ZEB1: variants seen among roughly 807,000 people sequenced by gnomAD.
ZEB1 encodes zinc finger E-box binding homeobox 1, also known as zinc finger E-box-binding homeobox 1.
Under a neutral mutation model 84.9 loss-of-function variants are expected in ZEB1, and 21 were observed. The ratio of observed to expected loss-of-function variants is 0.25; its 90% CI spans 0.18 to 0.36. ZEB1 has a LOEUF of 0.36. Among genes scored for constraint, ZEB1 ranks in the 10% least tolerant of loss-of-function variants. The probability of loss-of-function intolerance (pLI) is 1.00; values close to 1 mark genes in which losing one functional copy is unlikely to be tolerated. For synonymous variants in ZEB1, 420 were observed against 471.1 expected, an observed-to-expected ratio of 0.89 and a Z score of 1.41; for missense variants, 1,104 against 1,330.2, an observed-to-expected ratio of 0.83 and a Z score of 2.65.
chr10:31,469,153 C>A (rs999627545), intron 2 of ZEB1, among the ~76,000 whole-genome samples: 21 of 152,138 alleles, frequency 1.4e-4, no homozygotes, highest in Admixed American at 1.0e-3. Context: ...ATAGACTAGA[C>A]AAACCAGAAG....
chr10:31,435,704 A>C (rs1179664054), intron 1 of ZEB1, among the ~76,000 whole-genome samples: 1 of 152,204 alleles, frequency 6.6e-6, no homozygotes, highest in Non-Finnish European at 1.5e-5. Flanking sequence ...AGCGAGAATG[A>C]ATAGAATAGT....
chr10:31,443,422 T>C (rs1035964760), intron 1 of ZEB1, among the ~76,000 whole-genome samples: 107 of 151,576 alleles, frequency 7.1e-4, no homozygotes, highest in African/African-American at 2.5e-3. Flanking sequence ...CTTTTTTTTT[T>C]TTATTATACT....
intron 1 of ZEB1, among the ~76,000 whole-genome samples, chr10:31,445,029 G>A (rs1338477784): frequency 6.7e-6 from 1 of 150,186 alleles, no homozygotes; most frequent in South Asian, 2.1e-4. Flanking sequence ...TCGCGATATT[G>A]ATTCTTCCTA....
chr10:31,377,620 A>G (rs1268528718), intron 1 of ZEB1, among the ~76,000 whole-genome samples: 1 of 151,788 alleles, frequency 6.6e-6, no homozygotes, highest in Non-Finnish European at 1.5e-5. Flanking sequence ...GTACTATTTC[A>G]AGGCTTCTCA....
At chr10:31,457,017 G>C (rs999287639) in intron 1 of ZEB1, among the ~76,000 whole-genome samples, 16 of 152,170 alleles carry the variant, frequency 1.1e-4, no homozygotes, top group East Asian at 7.7e-4. Context: ...ATCTTCTATT[G>C]AAGTTTAAAT....
intron 1 of ZEB1, among the ~76,000 whole-genome samples, chr10:31,397,061 G>A (rs1435140543): frequency 6.8e-6 from 1 of 147,294 alleles, no homozygotes; most frequent in African/African-American, 2.5e-5. Context: ...TGTCACCCAG[G>A]CTGGAGTGCA....
At chr10:31,475,908 A>G (rs1434444461) in intron 2 of ZEB1, among the ~76,000 whole-genome samples, 1 of 152,096 alleles carries the variant, frequency 6.6e-6, no homozygotes, top group African/African-American at 2.4e-5. Flanking sequence ...AGCTAACAAA[A>G]CTATGATGGG....
chr10:31,470,778 G>A (rs1450878699), intron 2 of ZEB1, among the ~76,000 whole-genome samples: 1 of 136,328 alleles, frequency 7.3e-6, no homozygotes, highest in Non-Finnish European at 1.6e-5. Flanking sequence ...CACCAAAGTT[G>A]AAATGAAGGA....
chr10:31,327,733 T>C (rs2035886487), intron 1 of ZEB1, among the ~76,000 whole-genome samples: 1 of 152,228 alleles, frequency 6.6e-6, no homozygotes, highest in South Asian at 2.1e-4. Flanking sequence ...TCTGTCAGAT[T>C]ATTTTAAAAA....
In ZEB1 at chr10:31,450,358, C is replaced by G. The variant is rs2060409955; in HGVS notation, c.59-10679C>G. ...ATTTTTTCCTCTTTCGTGTTTTTAG[C>G]TGGTTATTGTTGATTATTGGAAAGC... On this transcript the variant is annotated intron_variant, in intron 1 of 8. Coordinates refer to ENST00000424869, the MANE Select transcript of ZEB1 (RefSeq NM_001174096.2). Among the ~76,000 whole-genome samples the G allele has an allele frequency of 2.0e-5, 3 of 151,804 alleles. No homozygotes were observed. In the South Asian group the frequency reaches 6.2e-4, roughly 32 times the overall value.
chr10:31,509,087 G>C (rs768832907), intron 4 of ZEB1, among the ~76,000 whole-genome samples: 2 of 152,158 alleles, frequency 1.3e-5, no homozygotes, highest in Non-Finnish European at 2.9e-5. Flanking sequence ...ACCAGCATTA[G>C]TGATGACTGG....
At chr10:31,387,760 C>T (rs1403046489) in intron 1 of ZEB1, 1 of 985,112 alleles carries the variant, frequency 1.0e-6, no homozygotes, top group Non-Finnish European at 1.2e-6. Flanking sequence ...TATTACACTT[C>T]AGAAAGTGTG....
intron 1 of ZEB1, among the ~76,000 whole-genome samples, chr10:31,370,997 G>A (rs1218398494): frequency 6.6e-6 from 1 of 152,098 alleles, no homozygotes; most frequent in African/African-American, 2.4e-5. Flanking sequence ...GGGATTACAG[G>A]CGTGAGCCTC....
chr10:31,387,242 G>A (rs2048787766), intron 1 of ZEB1: 2 of 985,666 alleles, frequency 2.0e-6, no homozygotes, highest in Non-Finnish European at 2.4e-6. Flanking sequence ...TGATCAGTTT[G>A]TGTCAGCCAC....
At chr10:31,504,396 C>A (rs1251343559) in intron 4 of ZEB1, among the ~76,000 whole-genome samples, 1 of 152,044 alleles carries the variant, frequency 6.6e-6, no homozygotes, top group Non-Finnish European at 1.5e-5. Context: ...TGCGATGTCT[C>A]CAGCTTTGTT....
intron 1 of ZEB1, among the ~76,000 whole-genome samples, chr10:31,448,444 C>T (rs1434062992): frequency 2.6e-4 from 39 of 147,220 alleles, no homozygotes; most frequent in African/African-American, 9.2e-4. Context: ...AGCTTTGTTC[C>T]GTTGCTGGTG....
intron 1 of ZEB1, among the ~76,000 whole-genome samples, chr10:31,361,383 G>A (rs777194108): frequency 1.9e-4 from 29 of 152,166 alleles, no homozygotes; most frequent in Non-Finnish European, 2.5e-4. Flanking sequence ...AGTAGAGACG[G>A]AGTTTCACCA....
At chr10:31,319,740 T>G in intron 1 of ZEB1, 1 of 157,182 alleles carries the variant, frequency 6.4e-6, no homozygotes, top group African/African-American at 2.4e-5. Flanking sequence ...AGCGCGATTC[T>G]CCCTCAGCGC....
chr10:31,499,580 A>G (rs2067809823), intron 3 of ZEB1, among the ~76,000 whole-genome samples: 1 of 152,108 alleles, frequency 6.6e-6, no homozygotes, highest in Non-Finnish European at 1.5e-5. Flanking sequence ...CTCATCAATA[A>G]GGAAGTGTAT....
Sources: gnomAD v4.1 joint callset for allele counts (sites outside exome capture counted in the v4.1 genomes callset) on GRCh38, gnomAD v4.1.1 for gene constraint, MANE v1.5 for transcripts, NCBI Gene and HGNC (gene_info 2026-07-23, HGNC 2026-07-21) for gene names.